The following CCNY variants were observed in gnomAD, a reference collection of about 807,000 sequenced individuals.
CCNY encodes the protein cyclin Y, also known as cyclin-Y.
CCNY carries 19 observed loss-of-function variants against 42.8 expected under a neutral mutation model. That is an observed-to-expected ratio of 0.44 (90% CI 0.31 to 0.65). CCNY has a LOEUF of 0.65. Among genes scored for constraint, CCNY ranks in the 30% least tolerant of loss-of-function variants. The probability of loss-of-function intolerance (pLI) is 0.07; values close to 1 mark genes in which losing one functional copy is unlikely to be tolerated. For synonymous variants in CCNY, 165 were observed against 162.7 expected, an observed-to-expected ratio of 1.01 and a Z score of -0.11; for missense variants, 370 against 437.3, an observed-to-expected ratio of 0.85 and a Z score of 1.37.
chr10:35,566,795 C>G (rs1841580910), intron 9 of CCNY, among the ~76,000 whole-genome samples: 1 of 152,078 alleles, frequency 6.6e-6, no homozygotes, highest in Non-Finnish European at 1.5e-5. Flanking sequence ...CAACTCCGCC[C>G]CCTGGGTTCA....
At chr10:35,489,300 T>A (rs530794898) in intron 2 of CCNY, among the ~76,000 whole-genome samples, 3 of 152,268 alleles carry the variant, frequency 2.0e-5, no homozygotes, top group Admixed American at 1.3e-4. Context: ...TGTTTTTTGT[T>A]TTGTTTTGTT....
At chr10:35,314,414 A>G (rs1405148939) in intron 3 of CCNY, 1 of 152,174 alleles carries the variant, frequency 6.6e-6, no homozygotes, top group Non-Finnish European at 1.5e-5. Context: ...CACCACCAAG[A>G]GAACAGTATG....
At chr10:35,481,692 A>C (rs1259771575) in intron 1 of CCNY, among the ~76,000 whole-genome samples, 1 of 152,150 alleles carries the variant, frequency 6.6e-6, no homozygotes. Context: ...CTATGTGTTA[A>C]GTTTCTTGGA....
intron 1 of CCNY, among the ~76,000 whole-genome samples, chr10:35,470,565 A>G (rs1424688834): frequency 6.6e-6 from 1 of 152,354 alleles, no homozygotes; most frequent in Admixed American, 6.5e-5. Flanking sequence ...AATAGGAAAC[A>G]ACTAAATATA....
At chr10:35,283,528 C>G (rs1292427524) in intron 3 of CCNY, among the ~76,000 whole-genome samples, 1 of 151,994 alleles carries the variant, frequency 6.6e-6, no homozygotes, top group Non-Finnish European at 1.5e-5. Flanking sequence ...CTCAGCCTCC[C>G]AAGTAGGTGG....
intron 3 of CCNY, among the ~76,000 whole-genome samples, chr10:35,320,339 C>T (rs982516588): frequency 5.3e-5 from 8 of 152,296 alleles, no homozygotes; most frequent in Admixed American, 4.6e-4. Context: ...ACATACCTAC[C>T]ATATTAACAG....
At chr10:35,563,967 C>A (rs1841517180) in intron 8 of CCNY, among the ~76,000 whole-genome samples, 1 of 151,852 alleles carries the variant, frequency 6.6e-6, no homozygotes, top group Non-Finnish European at 1.5e-5. Flanking sequence ...ACCTCCACCT[C>A]CCGGGTTCAA....
intron 1 of CCNY, among the ~76,000 whole-genome samples, chr10:35,432,847 A>G (rs1475791125): frequency 6.6e-6 from 1 of 152,242 alleles, no homozygotes; most frequent in Admixed American, 6.5e-5. Context: ...TTATACAGCA[A>G]AGGTGCCCCA....
At chr10:35,323,630 C>A (rs1419798705) in intron 3 of CCNY, among the ~76,000 whole-genome samples, 2 of 152,172 alleles carry the variant, frequency 1.3e-5, no homozygotes, top group African/African-American at 2.4e-5. Context: ...TGCCTGGGAC[C>A]AGGGACGAGT....
intron 1 of CCNY, among the ~76,000 whole-genome samples, chr10:35,480,017 A>T (rs1470534036): frequency 1.3e-5 from 2 of 151,176 alleles, no homozygotes; most frequent in Non-Finnish European, 2.9e-5. Flanking sequence ...TTCCCCAAGG[A>T]GGTAGAGTTC....
intron 3 of CCNY, among the ~76,000 whole-genome samples, chr10:35,309,945 C>T (rs1235785765): frequency 2.0e-5 from 3 of 152,100 alleles, no homozygotes; most frequent in East Asian, 3.9e-4. Context: ...GGACTGCAGA[C>T]GCCCGCCACC....
chr10:35,561,149 G>A (rs1211425962), intron 8 of CCNY, among the ~76,000 whole-genome samples: 2 of 152,152 alleles, frequency 1.3e-5, no homozygotes, highest in East Asian at 1.9e-4. Flanking sequence ...TGAGGGAGGT[G>A]CGTGCCAGGA....
At chr10:35,271,976 C>A (rs1233659601) in intron 3 of CCNY, among the ~76,000 whole-genome samples, 1 of 152,132 alleles carries the variant, frequency 6.6e-6, no homozygotes, top group African/African-American at 2.4e-5. Flanking sequence ...AAATGTATGA[C>A]ACTGTCACAA....
intron 1 of CCNY, among the ~76,000 whole-genome samples, chr10:35,437,980 C>A (rs1216386424): frequency 6.6e-6 from 1 of 152,142 alleles, no homozygotes; most frequent in Non-Finnish European, 1.5e-5. Context: ...ACAGCCTACT[C>A]TGATCGCTGG....
intron 1 of CCNY, among the ~76,000 whole-genome samples, chr10:35,398,704 AAAAAC>A (rs144634481): frequency 1.3e-5 from 2 of 152,204 alleles, no homozygotes; most frequent in South Asian, 2.1e-4. Context: ...GTTTTTGTCT[AAAAAC>A]AAAACAAAAC....
chr10:35,562,449 C>G (rs749098540), intron 8 of CCNY, among the ~76,000 whole-genome samples: 3 of 152,190 alleles, frequency 2.0e-5, no homozygotes, highest in Non-Finnish European at 2.9e-5. Flanking sequence ...GAAACTCTCC[C>G]CCTGTTAAAC....
intron 3 of CCNY, among the ~76,000 whole-genome samples, chr10:35,276,878 G>A (rs1408923794): frequency 3.3e-5 from 5 of 152,230 alleles, no homozygotes; most frequent in African/African-American, 1.2e-4. Context: ...TTTCTTGAGT[G>A]TGGCCCATCA....
At chr10:35,486,949 G>T (rs1379419633) in intron 2 of CCNY, among the ~76,000 whole-genome samples, 1 of 152,172 alleles carries the variant, frequency 6.6e-6, no homozygotes, top group Non-Finnish European at 1.5e-5. Flanking sequence ...GGAGTAGCCT[G>T]TGGATCTTTC....
chr10:35,553,157 A>G lies in CCNY; in HGVS notation c.718A>G (p.Ile240Val), dbSNP rs1355588278. The stretch of plus-strand genomic sequence containing the variant: ...TGTATGGAATGTGGATTACTGCCAG[A>G]TCCTGAAAGACATCACGGTGGAGGA... ...QAVWNVDYCQ[I>V]LKDITVEDMN... The change falls in exon 8 of 10, where the codon ATC (isoleucine) becomes GTC (valine). Residue 240 changes from isoleucine (I) to valine (V), a missense_variant. By Grantham distance (29) the Ile-to-Val change is conservative (BLOSUM62 3). This residue lies in a region of CCNY where 234 missense variants were observed against 313.1 expected (regional missense o/e 0.75). Coordinates refer to ENST00000374704, the MANE Select transcript of CCNY (RefSeq NM_145012.6). 1 of 1,614,162 alleles carries G rather than the reference A, an allele frequency of 6.2e-7. No individual in the cohort carries two copies. The highest frequency in any genetic ancestry group is 1.3e-5 in the African/African-American group (1 of 75,068).
Sources: allele counts gnomAD v4.1 joint callset (sites outside exome capture counted in the v4.1 genomes callset), GRCh38; gene constraint gnomAD v4.1.1; regional missense constraint gnomAD v4.1.1; transcripts MANE v1.5; gene names NCBI Gene and HGNC (gene_info 2026-07-23, HGNC 2026-07-21).